TNRC18: variants seen among roughly 807,000 people sequenced by gnomAD.
TNRC18 encodes the protein trinucleotide repeat-containing gene 18 protein.
Under a neutral mutation model 226.7 loss-of-function variants are expected in TNRC18, and 69 were observed. The observed-to-expected ratio is 0.30, with a 90% CI of 0.25 to 0.37. TNRC18 has a LOEUF of 0.37. TNRC18 is among the 10% of genes least tolerant of loss of function. TNRC18 has a pLI of 1.00. For synonymous variants in TNRC18, 2,449 were observed against 1,927.6 expected (o/e 1.27, Z -7.09); for missense variants, 4,754 against 4,256.6 (o/e 1.12, Z -3.25).
At chr7:5,310,780 G>C (rs1377627340) in intron 27 of TNRC18, among the ~76,000 whole-genome samples, 1 of 152,238 alleles carries the variant, frequency 6.6e-6, no homozygotes, top group Non-Finnish European at 1.5e-5. Flanking sequence ...GAACATGCAG[G>C]TGCTCCTGCC....
chr7:5,375,326 A>AAAC lies in TNRC18; in HGVS notation c.2799+705_2799+707dup, dbSNP rs1263412513. On this transcript the variant is annotated intron_variant, in intron 9 of 29. Coordinates refer to ENST00000430969, the MANE Select transcript of TNRC18 (RefSeq NM_001080495.3). ...TCCACCTCAAAAAAACAACAAAAAC[A>AAAC]AACAAACAAACAAACACCAGAACAA... is the stretch of plus-strand genomic sequence containing the variant. Among the ~76,000 whole-genome samples, 7 of 151,788 alleles carry AAAC rather than the reference A, an allele frequency of 4.6e-5. No homozygotes were observed. The Admixed American group carries it at 4.6e-4, about 10-fold the overall frequency.
intron 2 of TNRC18, among the ~76,000 whole-genome samples, chr7:5,416,404 G>T (rs577873351): frequency 9.7e-4 from 148 of 152,196 alleles, no homozygotes; most frequent in East Asian, 7.2e-3. Context: ...GACAGAGCGA[G>T]ACTCCGTCTC....
At chr7:5,311,996 C>G (rs1326184220) in intron 27 of TNRC18, among the ~76,000 whole-genome samples, 1 of 152,014 alleles carries the variant, frequency 6.6e-6, no homozygotes, top group African/African-American at 2.4e-5. Context: ...ATTAGCCAGG[C>G]GTGGTGGCGT....
chr7:5,308,041 G>T lies in TNRC18; in HGVS notation c.*65C>A. On this transcript the variant is annotated 3_prime_UTR_variant, in exon 30 of 30. Transcript: ENST00000430969. ...ACAACGCACGTGGTCTCCGCGCCAT[G>T]GCAGTGATGGAGATGGGTCCCTGGC... 1 of 1,443,498 alleles carries T rather than the reference G, an allele frequency of 6.9e-7. No individual in the cohort carries two copies. 89.4% of individuals were successfully genotyped at this position (1,443,498 alleles called of 1,614,324 possible).
chr7:5,309,510 T>G lies in TNRC18; in HGVS notation c.8389-142A>C. The G allele has an allele frequency of 1.4e-6, 1 of 695,048 alleles. No homozygotes were observed. Among genetic ancestry groups the G allele is most frequent in the Non-Finnish European group, 2.4e-6 (1 of 419,358 alleles). The allele number at this position is 695,048 out of a possible 1,614,324, so 43.1% of individuals were successfully genotyped here. A position where few individuals can be genotyped will look rare whatever the true frequency, so the allele number is the denominator to read the frequency against. ...AACTGTGGGGAGATGAGGAAGCTCCTTGTCTCGCTTCAAGTGGGGAAGCCC... is the reference window on the plus strand; with the variant it reads ...AACTGTGGGGAGATGAGGAAGCTCCGTGTCTCGCTTCAAGTGGGGAAGCCC... On this transcript the variant is annotated intron_variant, in intron 27 of 29. Transcript: ENST00000430969. This position sits in a 1 kb window ranked among gnomAD's most constrained non-coding sequence, Gnocchi z 5.7.
intron 18 of TNRC18, among the ~76,000 whole-genome samples, chr7:5,334,755 G>A (rs764703377): frequency 4.6e-5 from 7 of 152,070 alleles, no homozygotes; most frequent in Non-Finnish European, 5.9e-5. Context: ...AACACCTGGC[G>A]TACGTAATCC....
At chr7:5,385,100 A>G (rs1470048392) in intron 5 of TNRC18, among the ~76,000 whole-genome samples, 2 of 152,220 alleles carry the variant, frequency 1.3e-5, no homozygotes, top group Non-Finnish European at 2.9e-5. Flanking sequence ...ATGGGGAGAC[A>G]TGGCTGTGCA....
intron 2 of TNRC18, among the ~76,000 whole-genome samples, chr7:5,416,431 A>T (rs191213114): frequency 1.3e-5 from 2 of 152,324 alleles, no homozygotes; most frequent in Non-Finnish European, 2.9e-5. Flanking sequence ...AGAAAAAAAA[A>T]TTTGCTTAAC....
Position 5,309,585 on chromosome 7 carries a change from T to C in TNRC18, c.8389-217A>G, listed in dbSNP as rs966716517. Among the ~76,000 whole-genome samples, 2 of 152,240 alleles carry C rather than the reference T, an allele frequency of 1.3e-5. No individual in the cohort carries two copies. Among genetic ancestry groups the C allele is most frequent in the African/African-American group, 4.8e-5 (2 of 41,468 alleles). On this transcript the variant is annotated intron_variant, in intron 27 of 29. Transcript: ENST00000430969. This position sits in a 1 kb window ranked among gnomAD's most constrained non-coding sequence, Gnocchi z 5.7. ...GGTCTCCAAGAGGCGCTTCCCTTGA[T>C]CTAAGCATTCTGCCGCTACAAGACT... is the stretch of plus-strand genomic sequence containing the variant.
At chr7:5,330,505 C>T (rs1789413443) in intron 19 of TNRC18, among the ~76,000 whole-genome samples, 1 of 151,724 alleles carries the variant, frequency 6.6e-6, no homozygotes, top group Non-Finnish European at 1.5e-5. Context: ...CCTCAAAGTG[C>T]TGGGATTGCA....
At chr7:5,329,682 CAAAAAAAAAAAA>C (rs10628315) in intron 19 of TNRC18, among the ~76,000 whole-genome samples, 1 of 45,756 alleles carries the variant, frequency 2.2e-5, no homozygotes, top group Non-Finnish European at 3.6e-5. Context: ...GACTCCGTCT[CAAAAAAAAAAAA>C]AAAAAAAAAA....
chr7:5,382,909 T>TGG lies in TNRC18; in HGVS notation c.2152+4761_2152+4762dup, dbSNP rs1347129839. Among the ~76,000 whole-genome samples, 353 of 152,046 alleles carry TGG rather than the reference T, an allele frequency of 2.3e-3. 2 individuals are homozygous for TGG. Among genetic ancestry groups the TGG allele is most frequent in the African/African-American group, 8.2e-3 (339 of 41,370 alleles). ...AACGGCAACGATTGCTTTCTATTTT[T>TGG]GGGGTGGGGGCAGGATCTTACTCTG... On this transcript the variant is annotated intron_variant, in intron 5 of 29. Coordinates refer to ENST00000430969, the MANE Select transcript of TNRC18 (RefSeq NM_001080495.3).
chr7:5,420,331 C>A (rs1231498450), intron 2 of TNRC18: 2 of 455,066 alleles, frequency 4.4e-6, no homozygotes, highest in Non-Finnish European at 8.8e-6. Context: ...CTTCTTTCCC[C>A]CTAGGTTCGG....
At chr7:5,414,800 TCTGATA>T (rs1782071731) in intron 2 of TNRC18, among the ~76,000 whole-genome samples, 2 of 152,240 alleles carry the variant, frequency 1.3e-5, no homozygotes, top group Admixed American at 1.3e-4. Context: ...CTAACAGTGA[TCTGATA>T]CTATCAACTA....
intron 2 of TNRC18, among the ~76,000 whole-genome samples, chr7:5,404,707 T>C (rs1397749328): frequency 6.6e-6 from 1 of 151,904 alleles, no homozygotes; most frequent in Non-Finnish European, 1.5e-5. Context: ...GCCAAAATGA[T>C]CTGCAGATTC....
In TNRC18 at chr7:5,396,275, G is replaced by A. The variant is rs543115283; in HGVS notation, c.188-1680C>T. 5.2e-3 allele frequency among the ~76,000 whole-genome samples: 791 copies of A among 152,182 alleles called. 5 individuals carry two copies. Among genetic ancestry groups the A allele is most frequent in the Non-Finnish European group, 8.9e-3 (606 of 68,024 alleles). Reference sequence around the variant, plus strand: ...AGGCAGGAGAATCACTTGAACCCAGGAGGTGGAGGTTGCAGTGAGCTGAGA... The same window carrying A: ...AGGCAGGAGAATCACTTGAACCCAGAAGGTGGAGGTTGCAGTGAGCTGAGA... On this transcript the variant is annotated intron_variant, in intron 2 of 29. Transcript: ENST00000430969.
At chr7:5,366,863 C>T (rs942247506) in intron 11 of TNRC18, among the ~76,000 whole-genome samples, 1 of 152,220 alleles carries the variant, frequency 6.6e-6, no homozygotes, top group African/African-American at 2.4e-5. Flanking sequence ...TCCCTAAGCT[C>T]TTAACTGATC....
At chr7:5,382,178 G>A (rs1779441521) in intron 5 of TNRC18, among the ~76,000 whole-genome samples, 1 of 152,110 alleles carries the variant, frequency 6.6e-6, no homozygotes, top group Admixed American at 6.6e-5. Context: ...ACATGCCCAA[G>A]TCACAAGACT....
chr7:5,327,723 G>T (rs546409860), intron 19 of TNRC18, among the ~76,000 whole-genome samples: 2 of 152,134 alleles, frequency 1.3e-5, no homozygotes, highest in South Asian at 4.2e-4. Context: ...CCCACGGCTG[G>T]GTGCCTTCCC....
Sources: gnomAD v4.1 joint callset for allele counts (sites outside exome capture counted in the v4.1 genomes callset) on GRCh38, gnomAD v4.1.1 for gene constraint, Gnocchi (gnomAD v3.1) non-coding constraint, MANE v1.5 for transcripts, NCBI Gene and HGNC (gene_info 2026-07-23, HGNC 2026-07-21) for gene names.